Variants in DENND5B observed in about 807,000 individuals in gnomAD.
DENND5B encodes DENN domain containing 5B, also known as DENN domain-containing protein 5B.
Under a neutral mutation model 140.6 loss-of-function variants are expected in DENND5B, and 34 were observed. The observed-to-expected ratio is 0.24, with a 90% CI of 0.18 to 0.32. The LOEUF is 0.32. Ranked by LOEUF, DENND5B falls within the 10% of genes least tolerant of loss-of-function variation. The pLI is 1.00. For synonymous variants in DENND5B, 551 were observed against 562.1 expected (o/e 0.98, Z 0.28); for missense variants, 1,142 against 1,560.2 (o/e 0.73, Z 4.52).
chr12:31,474,291 T>C (rs1309982520), intron 3 of DENND5B, among the ~76,000 whole-genome samples: 1 of 152,182 alleles, frequency 6.6e-6, no homozygotes, highest in Non-Finnish European at 1.5e-5. Context: ...TATCAAAAGT[T>C]AGACAATGGT....
At chr12:31,433,032 A>C (rs746008867) in intron 8 of DENND5B, 123 bp downstream of exon 8, 1 of 823,416 alleles carries the variant, frequency 1.2e-6, no homozygotes. Flanking sequence ...AATATTTTAA[A>C]CTATAACTAA....
intron 17 of DENND5B, among the ~76,000 whole-genome samples, chr12:31,393,337 G>A (rs1941251879): frequency 6.6e-6 from 1 of 152,132 alleles, no homozygotes. Flanking sequence ...CAGGTACCCT[G>A]TGGCATCTGG....
chr12:31,519,678 T>TCA (rs1267682950), intron 1 of DENND5B, among the ~76,000 whole-genome samples: 3 of 152,210 alleles, frequency 2.0e-5, no homozygotes, highest in African/African-American at 7.2e-5. Context: ...TCACTGTAGT[T>TCA]CTTGAACATA....
chr12:31,392,091 A>G (rs1173173287), intron 19 of DENND5B, among the ~76,000 whole-genome samples, 176 bp downstream of exon 19: 1 of 150,990 alleles, frequency 6.6e-6, no homozygotes, highest in African/African-American at 2.4e-5. Flanking sequence ...GTGAGCCAAG[A>G]CCGCACCACT....
chr12:31,529,705 T>C (rs546007247), intron 1 of DENND5B, among the ~76,000 whole-genome samples: 93 of 151,022 alleles, frequency 6.2e-4, no homozygotes, highest in Non-Finnish European at 1.2e-3. Flanking sequence ...AGTCTCAAAA[T>C]AAATAAATAA....
intron 1 of DENND5B, among the ~76,000 whole-genome samples, chr12:31,578,043 C>T (rs1039601042): frequency 6.8e-6 from 1 of 146,392 alleles, no homozygotes; most frequent in African/African-American, 2.5e-5. Flanking sequence ...AGGAGTACTG[C>T]GTAAGCCCAG....
chr12:31,498,261 CA>C (rs1180795041), intron 1 of DENND5B, among the ~76,000 whole-genome samples: 1 of 152,136 alleles, frequency 6.6e-6, no homozygotes, highest in Non-Finnish European at 1.5e-5. Flanking sequence ...AAACTCCTTG[CA>C]ACACTTACCT....
At chr12:31,549,523 G>T (rs1161408875) in intron 1 of DENND5B, among the ~76,000 whole-genome samples, 2 of 150,322 alleles carry the variant, frequency 1.3e-5, no homozygotes, top group Non-Finnish European at 3.0e-5. Context: ...TTTTTTTAAT[G>T]TGACTATTTT....
intron 1 of DENND5B, among the ~76,000 whole-genome samples, chr12:31,588,851 T>C (rs1161727657): frequency 6.6e-6 from 1 of 152,200 alleles, no homozygotes; most frequent in Non-Finnish European, 1.5e-5. Flanking sequence ...TTCAAAACTG[T>C]TGGATGAATG....
At chr12:31,453,038 C>T (rs924140332) in intron 4 of DENND5B, among the ~76,000 whole-genome samples, 4 of 152,156 alleles carry the variant, frequency 2.6e-5, no homozygotes, top group African/African-American at 9.7e-5. Context: ...TGACAATAAT[C>T]ACCAAAAACC....
At chr12:31,408,194 G>C (rs1469145731) in intron 14 of DENND5B, among the ~76,000 whole-genome samples, 1 of 151,980 alleles carries the variant, frequency 6.6e-6, no homozygotes, top group East Asian at 1.9e-4. Flanking sequence ...TGTGATTTGG[G>C]AGGCTAAGGC....
rs1435549480 is a variant in DENND5B at position 31,386,021 on chromosome 12, A to T, written c.*1582T>A. On this transcript the variant is annotated 3_prime_UTR_variant, in exon 21 of 21. Coordinates refer to ENST00000389082, the MANE Select transcript of DENND5B (RefSeq NM_144973.4). The stretch of plus-strand genomic sequence containing the variant: ...CTGTCAACTCTCCTTTTCCTCAAGT[A>T]TGAAGTCACATGTTAAAAGAGGCTG... 6.5e-6 allele frequency: 1 copy of T among 152,846 alleles called. No individual in the cohort carries two copies. Among genetic ancestry groups the T allele is most frequent in the African/African-American group, 2.4e-5 (1 of 41,488 alleles). The allele number at this position is 152,846 out of a possible 1,614,324, so 9.5% of individuals were successfully genotyped here.
intron 1 of DENND5B, among the ~76,000 whole-genome samples, chr12:31,552,732 C>A (rs1334474317): frequency 6.6e-6 from 1 of 152,118 alleles, no homozygotes; most frequent in African/African-American, 2.4e-5. Flanking sequence ...TTGATTATTG[C>A]CTCAATTTCA....
At chr12:31,460,118 A>G in intron 4 of DENND5B, 76 bp downstream of exon 4, 1 of 1,391,534 alleles carries the variant, frequency 7.2e-7, no homozygotes, top group Non-Finnish European at 9.8e-7. Flanking sequence ...TTTGACAAAG[A>G]CAATGCAATC....
At chr12:31,405,604 G>A (rs187574895) in intron 14 of DENND5B, among the ~76,000 whole-genome samples, 1 of 152,258 alleles carries the variant, frequency 6.6e-6, no homozygotes, top group East Asian at 1.9e-4. Context: ...CTGGAGTGCA[G>A]TGGTGCAATC....
chr12:31,546,264 C>T (rs902078704), intron 1 of DENND5B, among the ~76,000 whole-genome samples: 2 of 152,072 alleles, frequency 1.3e-5, no homozygotes, highest in African/African-American at 2.4e-5. Context: ...TTATTAAGCA[C>T]GGTGTCGTTC....
intron 11 of DENND5B, among the ~76,000 whole-genome samples, chr12:31,419,407 C>T (rs1565560790): frequency 6.6e-6 from 1 of 150,694 alleles, no homozygotes; most frequent in Non-Finnish European, 1.5e-5. Flanking sequence ...CATGCCATTG[C>T]ATCCAGTCTT....
intron 2 of DENND5B, among the ~76,000 whole-genome samples, chr12:31,493,480 G>A (rs538690330): frequency 6.6e-6 from 1 of 151,914 alleles, no homozygotes; most frequent in East Asian, 1.9e-4. Flanking sequence ...GATCACTAGA[G>A]GTCAGGAGTA....
At chr12:31,500,225 T>A (rs577619674) in intron 1 of DENND5B, among the ~76,000 whole-genome samples, 1 of 152,172 alleles carries the variant, frequency 6.6e-6, no homozygotes, top group South Asian at 2.1e-4. Flanking sequence ...ACAGTAAGAC[T>A]AAATGACCAA....
Sources: gnomAD v4.1 joint callset for allele counts (sites outside exome capture counted in the v4.1 genomes callset) on GRCh38, gnomAD v4.1.1 for gene constraint, MANE v1.5 for transcripts, NCBI Gene and HGNC (gene_info 2026-07-23, HGNC 2026-07-21) for gene names.